NLN: variants seen among roughly 807,000 people sequenced by gnomAD.
NLN encodes the protein neurolysin, also known as neurolysin, mitochondrial.
Under a neutral mutation model 79.9 loss-of-function variants are expected in NLN, and 64 were observed. That is an observed-to-expected ratio of 0.80 (90% CI 0.65 to 0.99). NLN has a LOEUF of 0.99. Among genes scored for constraint, NLN ranks in the 50% least tolerant of loss-of-function variants. NLN has a pLI of 0.00. For synonymous variants in NLN, 267 were observed against 296.6 expected (o/e 0.90, Z 1.02); for missense variants, 835 against 858.7 (o/e 0.97, Z 0.34).
chr5:65,725,973 G>A (rs574924308), intron 1 of NLN, among the ~76,000 whole-genome samples: 6 of 152,242 alleles, frequency 3.9e-5, no homozygotes, highest in East Asian at 3.9e-4. Context: ...TTAGCCGGGC[G>A]TGGTGGCGGG....
In NLN at chr5:65,812,269, G is replaced by C; in HGVS notation, c.1858G>C (p.Ala620Pro). ...TTTTTTTAAAGGCACAAATATGCCA[G>C]CTACCTTTGGACATTTGGCAGGGGG... is the stretch of plus-strand genomic sequence containing the variant. Reference protein sequence around the residue: ...VAATPGTNMPATFGHLAGGYD... With the variant: ...VAATPGTNMPPTFGHLAGGYD... The change falls in exon 12 of 13, where the codon GCT (alanine) becomes CCT (proline). Residue 620 changes from alanine to proline, a missense_variant. By Grantham distance (27) the Ala-to-Pro change is conservative. Coordinates refer to ENST00000380985, the MANE Select transcript of NLN (RefSeq NM_020726.5). The C allele has an allele frequency of 6.2e-7, 1 of 1,613,496 alleles. No individual in the cohort carries two copies. The highest frequency in any genetic ancestry group is 1.3e-5 in the African/African-American group (1 of 75,026).
intron 9 of NLN, among the ~76,000 whole-genome samples, chr5:65,803,909 A>T (rs1340193102): frequency 6.6e-6 from 1 of 152,248 alleles, no homozygotes; most frequent in African/African-American, 2.4e-5. Flanking sequence ...CACCACTGCC[A>T]TCAGTAGTAT....
intron 1 of NLN, among the ~76,000 whole-genome samples, chr5:65,745,110 C>A (rs252650): frequency 0.43 from 65,674 of 151,882 alleles, 15,373 homozygotes; most frequent in Non-Finnish European, 0.53. Context: ...TCTTTGAGAA[C>A]AGGTGACTAA....
At chr5:65,723,594 C>T in intron 1 of NLN, among the ~76,000 whole-genome samples, 1 of 151,970 alleles carries the variant, frequency 6.6e-6, no homozygotes, top group East Asian at 1.9e-4. Flanking sequence ...GCGGGTGGAT[C>T]ACGAGGTCAG....
chr5:65,791,276 G>A (rs1256194826), intron 8 of NLN, among the ~76,000 whole-genome samples: 1 of 152,018 alleles, frequency 6.6e-6, no homozygotes, highest in Non-Finnish European at 1.5e-5. Context: ...ACAAAAATTA[G>A]GCTGTGCACA....
intron 1 of NLN, among the ~76,000 whole-genome samples, chr5:65,749,200 G>A (rs1380779153): frequency 6.6e-6 from 1 of 152,208 alleles, no homozygotes; most frequent in Admixed American, 6.5e-5. Flanking sequence ...TCATAGCAGT[G>A]TGAAAATAGA....
intron 3 of NLN, among the ~76,000 whole-genome samples, chr5:65,768,462 C>A (rs61417077): frequency 0.019 from 2,879 of 152,186 alleles, 97 homozygotes; most frequent in African/African-American, 0.065. Context: ...CAATCACCTC[C>A]TACCATGTCC....
At chr5:65,789,116 G>A (rs111956821) in intron 8 of NLN, among the ~76,000 whole-genome samples, 4,479 of 152,204 alleles carry the variant, frequency 0.029, 218 homozygotes, top group African/African-American at 0.1. Flanking sequence ...CTAGGTGACA[G>A]AGCTAGACCC....
At chr5:65,822,394 C>A (rs886729897) in intron 12 of NLN, among the ~76,000 whole-genome samples, 1 of 152,210 alleles carries the variant, frequency 6.6e-6, no homozygotes, top group Non-Finnish European at 1.5e-5. Context: ...TTCTGAGTAC[C>A]CAGAAGGCTA....
chr5:65,796,721 A>G (rs1579958092), intron 9 of NLN, among the ~76,000 whole-genome samples: 1 of 152,372 alleles, frequency 6.6e-6, no homozygotes, highest in Admixed American at 6.5e-5. Flanking sequence ...TTGCAAATTT[A>G]TAATTTCAAA....
chr5:65,724,010 C>G (rs2150729660), intron 1 of NLN, among the ~76,000 whole-genome samples: 1 of 151,968 alleles, frequency 6.6e-6, no homozygotes, highest in South Asian at 2.1e-4. Flanking sequence ...AGGCTAGGTG[C>G]ATAAATAGTG....
rs1355986951 is a variant in NLN, at chr5:65,825,909, A to G, written c.*2994A>G. ...TGTGTTTACCATTTATTCATTTTCT[A>G]TCATACACAGGTGGATTAAAATTTA... On this transcript the variant is annotated 3_prime_UTR_variant, in exon 13 of 13. Coordinates refer to ENST00000380985, the MANE Select transcript of NLN (RefSeq NM_020726.5). The G allele has an allele frequency of 6.6e-6, 1 of 152,204 alleles. No homozygotes were observed. The highest frequency in any genetic ancestry group is 2.4e-5 in the African/African-American group (1 of 41,454). The allele number at this position is 152,204 out of a possible 1,614,324, so 9.4% of individuals were successfully genotyped here.
intron 12 of NLN, among the ~76,000 whole-genome samples, chr5:65,816,535 T>TAAA (rs572354124): frequency 0.012 from 1,675 of 137,026 alleles, 39 homozygotes; most frequent in African/African-American, 0.043. Flanking sequence ...ACGTAAAAGT[T>TAAA]AAAAAAAAAA....
At chr5:65,804,517 T>C (rs990362684) in intron 9 of NLN, among the ~76,000 whole-genome samples, 2 of 152,170 alleles carry the variant, frequency 1.3e-5, no homozygotes, top group Non-Finnish European at 1.5e-5. Context: ...CGTTTTGGGA[T>C]TCTCACAATA....
Position 65,812,389 on chromosome 5 carries a change from G to A in NLN, c.1978G>A (p.Glu660Lys), listed in dbSNP as rs1272807374. 8 of 1,507,552 alleles carry A rather than the reference G, an allele frequency of 5.3e-6. No homozygotes were observed. Among genetic ancestry groups the A allele is most frequent in the Middle Eastern group, 1.8e-4 (1 of 5,634 alleles). The allele number at this position is 1,507,552 out of a possible 1,614,324, so 93.4% of individuals were successfully genotyped here. ...TAAAAAAGAAGGGATAATGAATCCAGAGGTATAGTATTATTTTTCTCCTTT... is the reference window on the plus strand; with the variant it reads ...TAAAAAAGAAGGGATAATGAATCCAAAGGTATAGTATTATTTTTCTCCTTT... Reference protein sequence around the residue: ...CFKKEGIMNPEVGMKYRNLIL... With the variant: ...CFKKEGIMNPKVGMKYRNLIL... Residue 660 changes from glutamate (E) to lysine (K), a missense_variant and splice_region_variant, in exon 12 of 13, where the codon GAG (glutamate) becomes AAG (lysine). Transcript: ENST00000380985.
intron 3 of NLN, among the ~76,000 whole-genome samples, chr5:65,767,225 G>A (rs746777033): frequency 5.3e-5 from 8 of 152,160 alleles, no homozygotes; most frequent in East Asian, 1.9e-4. Context: ...CTCTGCCCCC[G>A]CAGCAGACTT....
Position 65,774,055 on chromosome 5 carries a change from G to GTTTT in NLN, c.451-3359_451-3356dup, listed in dbSNP as rs33910517. On this transcript the variant is annotated intron_variant, in intron 3 of 12. Coordinates refer to ENST00000380985, the MANE Select transcript of NLN (RefSeq NM_020726.5). Reference sequence around the variant, plus strand: ...GAAAAACATTAAAATAGAATTCAAAGTTTTTTTTTTTTTTTTGCTGTTTTT... The same window carrying GTTTT: ...GAAAAACATTAAAATAGAATTCAAAGTTTTTTTTTTTTTTTTTTTTGCTGTTTTT... Among the ~76,000 whole-genome samples the GTTTT allele has an allele frequency of 3.3e-4, 46 of 140,358 alleles. 1 individual carries two copies. Among genetic ancestry groups the GTTTT allele is most frequent in the East Asian group, 1.3e-3 (6 of 4,698 alleles). 92.1% of individuals were successfully genotyped at this position (140,358 alleles called of 152,430 possible).
rs544968770 is a variant in NLN at position 65,792,905 on chromosome 5, T to C, written c.1527+250T>C. The C allele has an allele frequency of 1.3e-5, 7 of 530,384 alleles. No individual in the cohort carries two copies. The East Asian group carries it at 3.2e-4, about 24-fold the overall frequency. 32.9% of individuals were successfully genotyped at this position (530,384 alleles called of 1,614,324 possible). A position where few individuals can be genotyped will look rare whatever the true frequency, so the allele number is the denominator to read the frequency against. On this transcript the variant is annotated intron_variant, in intron 9 of 12. Coordinates refer to ENST00000380985, the MANE Select transcript of NLN (RefSeq NM_020726.5). Reference sequence around the variant, plus strand: ...CCTATGGAAAAAGAATAAGACTATCTGTAAGGAAAGGTTACAAATACTTTG... The same window carrying C: ...CCTATGGAAAAAGAATAAGACTATCCGTAAGGAAAGGTTACAAATACTTTG...
chr5:65,758,587 T>C lies in NLN; in HGVS notation c.62T>C (p.Leu21Ser). The stretch of plus-strand genomic sequence containing the variant: ...TTTAGAGTTGGTGGTTCCAGGATTT[T>C]ACTCAGAATGACGTTAGGAAGAGAA... ...SLRRVGGSRI[L>S]LRMTLGREVM... is the part of the protein sequence containing the mutation. Residue 21 changes from leucine to serine, a missense_variant, in exon 2 of 13, where the codon TTA becomes TCA. By Grantham distance (145) the Leu-to-Ser change is moderately radical. Coordinates refer to ENST00000380985, the MANE Select transcript of NLN (RefSeq NM_020726.5). The C allele has an allele frequency of 6.2e-7, 1 of 1,610,028 alleles. No homozygotes were observed.
Sources: gnomAD v4.1 joint callset for allele counts (sites outside exome capture counted in the v4.1 genomes callset) on GRCh38, gnomAD v4.1.1 for gene constraint, MANE v1.5 for transcripts, NCBI Gene and HGNC (gene_info 2026-07-23, HGNC 2026-07-21) for gene names.